The following EPHB1 variants were observed in gnomAD, a reference collection of about 807,000 sequenced individuals.
The protein encoded by EPHB1 is ephrin type-B receptor 1.
A neutral mutation model predicts 94.4 loss-of-function variants in EPHB1; 30 were observed. That is an observed-to-expected ratio of 0.32 (90% confidence interval 0.24 to 0.43). The LOEUF is 0.43. Ranked by LOEUF, EPHB1 falls within the 20% of genes least tolerant of loss-of-function variation. The pLI, the probability that EPHB1 is intolerant of heterozygous loss-of-function variation, is 1.00. For missense variants in EPHB1, 1,055 were observed against 1,308.3 expected (o/e 0.81, Z 2.99); for synonymous variants, 522 against 489.1 (o/e 1.07, Z -0.89).
intron 15 of EPHB1, among the ~76,000 whole-genome samples, chr3:135,256,871 G>A (rs1576507560): frequency 6.7e-6 from 1 of 149,656 alleles, no homozygotes. Flanking sequence ...ACGTAGATTT[G>A]GTCTTTTCAC....
chr3:135,248,434 C>T lies in EPHB1; in HGVS notation c.2615C>T (p.Ala872Val), dbSNP rs534330476. 3.5e-5 allele frequency: 56 copies of T among 1,613,758 alleles called. No homozygotes were observed. In the Middle Eastern group the frequency reaches 4.9e-4, roughly 14 times the overall value. ...QKDRNSRPRF[A>V]EIVNTLDKMI... ...GACCGGAACAGCCGGCCCCGGTTTGCGGAGATTGTCAACACCCTAGATAAG... is the reference window on the plus strand; with the variant it reads ...GACCGGAACAGCCGGCCCCGGTTTGTGGAGATTGTCAACACCCTAGATAAG... The change falls in exon 14 of 16, where the codon GCG becomes GTG. Residue 872 changes from alanine to valine, a missense_variant. Physicochemically the swap from Ala to Val is moderately conservative, Grantham distance 64. Coordinates refer to ENST00000398015, the MANE Select transcript of EPHB1 (RefSeq NM_004441.5).
chr3:135,154,524 C>G (rs1174453720), intron 6 of EPHB1: 1 of 431,352 alleles, frequency 2.3e-6, no homozygotes, highest in Non-Finnish European at 4.1e-6. Flanking sequence ...GGATAGTTCA[C>G]TGGCTGGGAA....
chr3:135,162,311 TTTGC>T, intron 7 of EPHB1, 131 bp downstream of exon 7: 1 of 1,101,994 alleles, frequency 9.1e-7, no homozygotes, highest in African/African-American at 1.6e-5. Flanking sequence ...CTTCAAACGG[TTTGC>T]CTCCCAGTAG....
chr3:134,906,236 G>A (rs1024380359), intron 1 of EPHB1, among the ~76,000 whole-genome samples: 1 of 152,132 alleles, frequency 6.6e-6, no homozygotes, highest in Non-Finnish European at 1.5e-5. Context: ...AAACCATTTA[G>A]CCCGAGGGGA....
At chr3:134,919,103 A>G (rs1328976186) in intron 1 of EPHB1, among the ~76,000 whole-genome samples, 1 of 152,238 alleles carries the variant, frequency 6.6e-6, no homozygotes, top group Non-Finnish European at 1.5e-5. Flanking sequence ...GAAAAGGAAT[A>G]CGCATCTGAA....
chr3:134,950,711 C>T (rs1932994847), intron 2 of EPHB1, among the ~76,000 whole-genome samples: 1 of 152,148 alleles, frequency 6.6e-6, no homozygotes, highest in African/African-American at 2.4e-5. Flanking sequence ...GGATCTGCCC[C>T]CATAATCAAA....
chr3:135,176,452 G>A (rs1941980177), intron 9 of EPHB1, among the ~76,000 whole-genome samples: 1 of 152,158 alleles, frequency 6.6e-6, no homozygotes, highest in African/African-American at 2.4e-5. Context: ...CAGCCTTCTT[G>A]GCTTCTGGGG....
At chr3:134,971,087 T>G (rs1933954127) in intron 3 of EPHB1, among the ~76,000 whole-genome samples, 1 of 152,080 alleles carries the variant, frequency 6.6e-6, no homozygotes, top group South Asian at 2.1e-4. Context: ...GGGAAAGCTG[T>G]TTAGGAGGCA....
chr3:135,141,713 A>G (rs574369754), intron 5 of EPHB1, among the ~76,000 whole-genome samples: 1 of 152,268 alleles, frequency 6.6e-6, no homozygotes, highest in South Asian at 2.1e-4. Flanking sequence ...GAGGCATGCT[A>G]TGAAGTTTGA....
At chr3:135,038,441 A>T (rs4955539) in intron 3 of EPHB1, among the ~76,000 whole-genome samples, 10,308 of 152,194 alleles carry the variant, frequency 0.068, 590 homozygotes, top group African/African-American at 0.14. Context: ...GTACATAGAG[A>T]ATCCCTGAAA....
chr3:135,179,493 T>C (rs1044959862), intron 9 of EPHB1, among the ~76,000 whole-genome samples: 2 of 152,170 alleles, frequency 1.3e-5, no homozygotes, highest in African/African-American at 4.8e-5. Flanking sequence ...TACCCTACCA[T>C]TTTACCACCA....
At chr3:135,214,593 G>T (rs1943101149) in intron 12 of EPHB1, among the ~76,000 whole-genome samples, 1 of 152,168 alleles carries the variant, frequency 6.6e-6, no homozygotes, top group South Asian at 2.1e-4. Flanking sequence ...CCCAGGTCAT[G>T]GTGTAGGCAG....
intron 1 of EPHB1, among the ~76,000 whole-genome samples, chr3:134,916,200 G>A (rs2038564737): frequency 6.6e-6 from 1 of 152,084 alleles, no homozygotes; most frequent in Admixed American, 6.5e-5. Context: ...CCTTGAGCTA[G>A]ATACAGAGTG....
At chr3:135,159,249 T>C (rs140524970) in intron 6 of EPHB1, among the ~76,000 whole-genome samples, 2 of 152,266 alleles carry the variant, frequency 1.3e-5, no homozygotes, top group Non-Finnish European at 2.9e-5. Flanking sequence ...AATTGATTAA[T>C]GATTTTGTGG....
intron 1 of EPHB1, among the ~76,000 whole-genome samples, chr3:134,829,274 G>GA (rs2036539497): frequency 1.3e-5 from 2 of 151,382 alleles, no homozygotes; most frequent in Admixed American, 6.6e-5. Context: ...GTTTTGGAGG[G>GA]AAAAAAATAA....
chr3:135,156,916 A>G (rs1941372237), intron 6 of EPHB1, among the ~76,000 whole-genome samples: 1 of 152,226 alleles, frequency 6.6e-6, no homozygotes, highest in Non-Finnish European at 1.5e-5. Context: ...GGGTCCACCC[A>G]GTCCCCCTTC....
chr3:135,071,196 C>T (rs1209661233), intron 3 of EPHB1, among the ~76,000 whole-genome samples: 1 of 152,224 alleles, frequency 6.6e-6, no homozygotes, highest in Admixed American at 6.5e-5. Context: ...GGTAGAACCA[C>T]TAAGGAGACC....
At chr3:135,258,684 T>TA (rs1381578467) in intron 15 of EPHB1, among the ~76,000 whole-genome samples, 2 of 152,014 alleles carry the variant, frequency 1.3e-5, no homozygotes, top group Admixed American at 6.6e-5. Context: ...CTTGGAGTGT[T>TA]AAAAAATAGC....
At chr3:135,084,109 T>G (rs1166565532) in intron 3 of EPHB1, among the ~76,000 whole-genome samples, 1 of 152,118 alleles carries the variant, frequency 6.6e-6, no homozygotes, top group East Asian at 1.9e-4. Context: ...GAAATAAAAG[T>G]AAAGGAAAGA....
Sources: gnomAD v4.1 joint callset for allele counts (sites outside exome capture counted in the v4.1 genomes callset) on GRCh38, gnomAD v4.1.1 for gene constraint, MANE v1.5 for transcripts, NCBI Gene and HGNC (gene_info 2026-07-23, HGNC 2026-07-21) for gene names.